ANKDD1B: variants seen among roughly 807,000 people sequenced by gnomAD.
ANKDD1B encodes ankyrin repeat and death domain-containing protein 1B.
ANKDD1B carries 57 observed loss-of-function variants against 59.7 expected under a neutral mutation model. The ratio of observed to expected loss-of-function variants is 0.95; its 90% confidence interval spans 0.77 to 1.19. The LOEUF is 1.19. Ranked by LOEUF, ANKDD1B falls within the 50% of genes most tolerant of loss-of-function variation. The pLI, the probability that ANKDD1B is intolerant of heterozygous loss-of-function variation, is 0.00. For missense variants in ANKDD1B, 602 were observed against 641.9 expected (o/e 0.94, Z 0.67); for synonymous variants, 216 against 239.5 (o/e 0.90, Z 0.91).
chr5:75,615,073 A>G (rs1773678057), intron 1 of ANKDD1B, among the ~76,000 whole-genome samples: 1 of 152,198 alleles, frequency 6.6e-6, no homozygotes, highest in African/African-American at 2.4e-5. Context: ...TGGAATCTAA[A>G]CATGGTAAGG....
intron 7 of ANKDD1B, among the ~76,000 whole-genome samples, chr5:75,637,596 A>G (rs966273300): frequency 1.3e-5 from 2 of 152,230 alleles, no homozygotes; most frequent in Non-Finnish European, 2.9e-5. Context: ...CCATTTAACT[A>G]TGACAAAAAA....
intron 11 of ANKDD1B, among the ~76,000 whole-genome samples, chr5:75,666,509 C>A (rs1339163374): frequency 6.6e-6 from 1 of 152,148 alleles, no homozygotes; most frequent in East Asian, 1.9e-4. Flanking sequence ...AAGACAGCCT[C>A]TCTGTTCTCA....
intron 11 of ANKDD1B, among the ~76,000 whole-genome samples, chr5:75,664,366 C>T (rs180830625): frequency 1.3e-4 from 20 of 152,336 alleles, no homozygotes; most frequent in Admixed American, 1.2e-3. Flanking sequence ...TTAAAGGTCA[C>T]ACCATCCTCC....
chr5:75,620,055 G>A (rs1198013119), intron 2 of ANKDD1B, among the ~76,000 whole-genome samples: 1 of 152,150 alleles, frequency 6.6e-6, no homozygotes, highest in Non-Finnish European at 1.5e-5. Flanking sequence ...CTACAATACA[G>A]TACAATATAA....
rs79843762 is a variant in ANKDD1B at position 75,638,781 on chromosome 5, G to A, written c.798+2899G>A. Among the ~76,000 whole-genome samples, 1,370 of 152,238 alleles carry A rather than the reference G, an allele frequency of 9.0e-3. 22 individuals are homozygous for A. The highest frequency in any genetic ancestry group is 0.032 in the African/African-American group (1,322 of 41,532). ...TTACAGGTGTGAGCTACCATGCACA[G>A]CTCAAAGGATGATCTTAGACACATC... is the stretch of plus-strand genomic sequence containing the variant. On this transcript the variant is annotated intron_variant, in intron 7 of 13. Coordinates refer to ENST00000601380, the MANE Select transcript of ANKDD1B (RefSeq NM_001276713.2).
chr5:75,643,534 G>A (rs1429808781), intron 7 of ANKDD1B, among the ~76,000 whole-genome samples: 1 of 37,068 alleles, frequency 2.7e-5, no homozygotes, highest in Non-Finnish European at 4.4e-5. Flanking sequence ...AAGCGAGAAG[G>A]GAAGTTTAGA....
chr5:75,642,519 G>T (rs1402196483), intron 7 of ANKDD1B, among the ~76,000 whole-genome samples: 1 of 137,474 alleles, frequency 7.3e-6, no homozygotes, highest in Non-Finnish European at 1.6e-5. Flanking sequence ...ACTCCCACCC[G>T]AATATTGCGC....
At chr5:75,618,606 G>C (rs1773771248) in intron 2 of ANKDD1B, among the ~76,000 whole-genome samples, 1 of 152,098 alleles carries the variant, frequency 6.6e-6, no homozygotes, top group Admixed American at 6.6e-5. Flanking sequence ...TAATTTTATT[G>C]AATTATCTTG....
rs1005071992 is a variant in ANKDD1B, at chr5:75,625,869, C to T, written c.514C>T (p.His172Tyr). 1 of 1,536,318 alleles carries T rather than the reference C, an allele frequency of 6.5e-7. No individual in the cohort carries two copies. The highest frequency in any genetic ancestry group is 8.7e-7 in the Non-Finnish European group (1 of 1,146,872). ...AKNQDGMSALHFATQSNHVRI... is the reference protein window; with the variant it reads ...AKNQDGMSALYFATQSNHVRI... ...TCTTCAGGATGGAATGAGCGCCCTC[C>T]ACTTTGCCACTCAGAGCAATCATGT... is the stretch of plus-strand genomic sequence containing the variant. The change falls in exon 5 of 14, where the codon CAC becomes TAC. Residue 172 changes from histidine to tyrosine, a missense_variant. Transcript: ENST00000601380.
intron 7 of ANKDD1B, among the ~76,000 whole-genome samples, chr5:75,651,378 C>A (rs1210315505): frequency 6.6e-6 from 1 of 152,226 alleles, no homozygotes; most frequent in Non-Finnish European, 1.5e-5. Flanking sequence ...TTGCAAGGCA[C>A]CATGCTGGGC....
chr5:75,638,605 AAAAT>A lies in ANKDD1B; in HGVS notation c.798+2729_798+2732del, dbSNP rs895483384. On this transcript the variant is annotated intron_variant, in intron 7 of 13. Transcript: ENST00000601380. Reference sequence around the variant, plus strand: ...TATAAATTTTTAAAATTCAAGATAAAAAATAAATAGCAGTTTTGTATTTTCTCTA... The same window carrying A: ...TATAAATTTTTAAAATTCAAGATAAAAAATAGCAGTTTTGTATTTTCTCTA... Among the ~76,000 whole-genome samples the A allele has an allele frequency of 4.0e-4, 61 of 152,330 alleles. 1 individual carries two copies. Among genetic ancestry groups the A allele is most frequent in the African/African-American group, 5.5e-4 (23 of 41,568 alleles).
chr5:75,656,762 A>AT (rs139725875), intron 9 of ANKDD1B, among the ~76,000 whole-genome samples: 2,000 of 152,230 alleles, frequency 0.013, 19 homozygotes, highest in South Asian at 0.05. Context: ...GGGGAGTGGG[A>AT]AGAGGAGCCT....
chr5:75,620,458 C>A, intron 3 of ANKDD1B, 45 bp downstream of exon 3: 1 of 1,003,200 alleles, frequency 1.0e-6, no homozygotes, highest in Non-Finnish European at 1.5e-6. Flanking sequence ...AACCAATGTA[C>A]AGGGAGAATC....
At chr5:75,635,073 C>T (rs1774263661) in intron 6 of ANKDD1B, 77 bp downstream of exon 6, 2 of 959,018 alleles carry the variant, frequency 2.1e-6, no homozygotes, top group East Asian at 2.6e-5. Context: ...TAACAATTGG[C>T]ATGTAGATTT....
chr5:75,614,448 T>C (rs2112950004), intron 1 of ANKDD1B, among the ~76,000 whole-genome samples: 1 of 152,234 alleles, frequency 6.6e-6, no homozygotes, highest in South Asian at 2.1e-4. Flanking sequence ...CAAACATCCT[T>C]GAAAAGGTAG....
intron 7 of ANKDD1B, among the ~76,000 whole-genome samples, chr5:75,650,172 G>A (rs1353091581): frequency 6.6e-6 from 1 of 152,184 alleles, no homozygotes; most frequent in Non-Finnish European, 1.5e-5. Context: ...TATGTTACAT[G>A]GCAAAGGAGA....
intron 6 of ANKDD1B, 43 bp downstream of exon 6, chr5:75,635,039 G>A: frequency 6.1e-6 from 8 of 1,318,898 alleles, no homozygotes; most frequent in Non-Finnish European, 8.4e-6. Context: ...AAGAGAAAGG[G>A]GAGTAACAAT....
At chr5:75,670,748 C>T (rs1300213331) in intron 13 of ANKDD1B, among the ~76,000 whole-genome samples, 4 of 152,172 alleles carry the variant, frequency 2.6e-5, no homozygotes, top group South Asian at 2.1e-4. Flanking sequence ...TGTGTTCTGA[C>T]GCAAGGCTGT....
chr5:75,615,525 G>A (rs973327101), intron 1 of ANKDD1B, among the ~76,000 whole-genome samples: 3 of 152,142 alleles, frequency 2.0e-5, no homozygotes, highest in Non-Finnish European at 2.9e-5. Flanking sequence ...CAGACTGGAT[G>A]GCTCAAACCA....
Sources: gnomAD v4.1 joint callset for allele counts (sites outside exome capture counted in the v4.1 genomes callset) on GRCh38, gnomAD v4.1.1 for gene constraint, MANE v1.5 for transcripts, NCBI Gene and HGNC (gene_info 2026-07-23, HGNC 2026-07-21) for gene names.